Variants in LYST observed in about 807,000 individuals in gnomAD.
LYST encodes the protein lysosomal-trafficking regulator.
Under a neutral mutation model 413.6 loss-of-function variants are expected in LYST, and 192 were observed. The ratio of observed to expected loss-of-function variants is 0.46; its 90% CI spans 0.41 to 0.52. The LOEUF (loss-of-function observed/expected upper bound fraction) is 0.52. LYST is among the 20% of genes least tolerant of loss of function. LYST has a pLI of 0.00. For missense variants in LYST, 3,815 were observed against 4,499.9 expected (o/e 0.85, Z 4.35); for synonymous variants, 1,525 against 1,567.3 (o/e 0.97, Z 0.64).
In LYST at chr1:235,733,502, C is replaced by T; in HGVS notation, c.8801+1G>A. The T allele has an allele frequency of 1.2e-6, 2 of 1,613,602 alleles. No individual in the cohort carries two copies. Among genetic ancestry groups the T allele is most frequent in the Non-Finnish European group, 1.7e-6 (2 of 1,179,612 alleles). ...ATTTTAACTGACCTCCCGCAGCTTACCTATCATGTGTCAGCTGCTGAATAA... is the reference window on the plus strand; with the variant it reads ...ATTTTAACTGACCTCCCGCAGCTTATCTATCATGTGTCAGCTGCTGAATAA... On this transcript the variant is annotated splice_donor_variant, in intron 34 of 52. Coordinates refer to ENST00000389793, the MANE Select transcript of LYST (RefSeq NM_000081.4). LOFTEE classifies it high-confidence loss of function.
chr1:235,746,179 G>T (rs1665906018), intron 29 of LYST, among the ~76,000 whole-genome samples, 157 bp downstream of exon 29: 1 of 152,124 alleles, frequency 6.6e-6, no homozygotes, highest in African/African-American at 2.4e-5. Context: ...TTTTATTCAA[G>T]ACTTATCAGT....
At chr1:235,829,611 A>G (rs970890732) in intron 3 of LYST, 3 of 152,208 alleles carry the variant, frequency 2.0e-5, no homozygotes, top group Admixed American at 6.5e-5. Context: ...GTGAGTACTT[A>G]ATGTTTCTGG....
intron 31 of LYST, chr1:235,735,543 A>G (rs892535230): frequency 2.0e-5 from 3 of 152,074 alleles, no homozygotes; most frequent in African/African-American, 7.2e-5. Context: ...TAGATATTAC[A>G]CCTGATTCTA....
chr1:235,816,224 A>T (rs1674062487), intron 3 of LYST, among the ~76,000 whole-genome samples: 1 of 150,282 alleles, frequency 6.7e-6, no homozygotes, highest in East Asian at 1.9e-4. Context: ...GGTAGATCAC[A>T]AGGTCAGGCG....
chr1:235,803,764 T>C (rs1250850994), intron 7 of LYST, among the ~76,000 whole-genome samples: 2 of 152,172 alleles, frequency 1.3e-5, no homozygotes, highest in Non-Finnish European at 2.9e-5. Context: ...TTCAGTAATA[T>C]GATGAACGTA....
Position 235,738,152 on chromosome 1 carries a change from T to C in LYST, c.8358+3270A>G. Reference sequence around the variant, plus strand: ...ACTTGGCAGGCGAACTTGCTCTTGTTGATGTCATGGAAGACAAATTGAAGG... The same window carrying C: ...ACTTGGCAGGCGAACTTGCTCTTGTCGATGTCATGGAAGACAAATTGAAGG... On this transcript the variant is annotated intron_variant, in intron 31 of 52. Coordinates refer to ENST00000389793, the MANE Select transcript of LYST (RefSeq NM_000081.4). The C allele has an allele frequency of 3.7e-6, 6 of 1,609,452 alleles. No individual in the cohort carries two copies. In the South Asian group the frequency reaches 6.6e-5, roughly 18 times the overall value.
At chr1:235,737,930 T>TCGGGG in intron 31 of LYST, 1 of 1,180,540 alleles carries the variant, frequency 8.5e-7, no homozygotes, top group Non-Finnish European at 1.1e-6. Flanking sequence ...TGGATCTCAC[T>TCGGGG]GCCGCGTGCC....
exon 1 of LYST, chr1:235,883,259 G>C (rs528264091): frequency 6.6e-6 from 1 of 152,486 alleles, no homozygotes; most frequent in East Asian, 1.9e-4. Context: ...CGTCTTCCCA[G>C]GTAGCTGCAA....
Position 235,720,877 on chromosome 1 carries a change from AGTATATT to A in LYST, c.9337_9343del (p.Asn3113SerfsTer17). On this transcript the variant is annotated frameshift_variant, in exon 40 of 53. Transcript: ENST00000389793. LOFTEE classifies it high-confidence loss of function. ...CAGAAGATTAGGGAGGTTATTTGTG[AGTATATT>A]GTGGTATACATCATCACGAACCTAA... 1 of 1,613,724 alleles carries A rather than the reference AGTATATT, an allele frequency of 6.2e-7. No individual in the cohort carries two copies. The highest frequency in any genetic ancestry group is 8.5e-7 in the Non-Finnish European group (1 of 1,179,648).
chr1:235,780,176 C>T (rs565210235), intron 16 of LYST, among the ~76,000 whole-genome samples: 3 of 152,018 alleles, frequency 2.0e-5, no homozygotes, highest in African/African-American at 4.8e-5. Context: ...GAGGCTGAGA[C>T]GGGAAGATCG....
At chr1:235,847,357 T>C (rs1677999567) in intron 1 of LYST, among the ~76,000 whole-genome samples, 2 of 152,092 alleles carry the variant, frequency 1.3e-5, no homozygotes, top group Non-Finnish European at 2.9e-5. Flanking sequence ...AAGCCACCAC[T>C]AGAAGAACTG....
chr1:235,837,911 CAT>C (rs1479218317), intron 1 of LYST, among the ~76,000 whole-genome samples: 1 of 151,506 alleles, frequency 6.6e-6, no homozygotes, highest in Non-Finnish European at 1.5e-5. Context: ...TAAGCTGAAA[CAT>C]AGTATGTTTC....
chr1:235,798,168 G>C (rs1208353051), intron 10 of LYST, among the ~76,000 whole-genome samples: 3 of 152,090 alleles, frequency 2.0e-5, no homozygotes, highest in Admixed American at 2.0e-4. Flanking sequence ...AGGAAAGTCT[G>C]AGAAACTGTT....
intron 3 of LYST, chr1:235,827,620 G>A (rs1308419400): frequency 2.0e-6 from 2 of 984,268 alleles, no homozygotes; most frequent in African/African-American, 1.8e-5. Context: ...AGAACTAAAT[G>A]TTGATAAAGG....
intron 1 of LYST, among the ~76,000 whole-genome samples, chr1:235,876,329 T>A (rs1681137058): frequency 6.6e-6 from 1 of 152,200 alleles, no homozygotes; most frequent in Non-Finnish European, 1.5e-5. Flanking sequence ...CTCCCTCTCC[T>A]GCTTCCCACA....
At position 235,730,831 on chromosome 1, in the gene LYST, A is replaced by T; in HGVS notation, c.9044+16T>A. On this transcript the variant is annotated intron_variant, in intron 36 of 52. Coordinates refer to ENST00000389793, the MANE Select transcript of LYST (RefSeq NM_000081.4). ...TATATTCATGAAAGAGTGAAGGTCT[A>T]TTGATTCAAAGTTACCTTATAGATT... The T allele has an allele frequency of 6.9e-7, 1 of 1,440,088 alleles. No individual in the cohort carries two copies. The highest frequency in any genetic ancestry group is 9.8e-7 in the Non-Finnish European group (1 of 1,021,456). 89.2% of individuals were successfully genotyped at this position (1,440,088 alleles called of 1,614,324 possible).
intron 45 of LYST, among the ~76,000 whole-genome samples, chr1:235,701,382 C>A (rs1461606607): frequency 2.0e-5 from 3 of 152,154 alleles, no homozygotes; most frequent in Non-Finnish European, 2.9e-5. Context: ...GTAATCCCAG[C>A]ACTTTGGGAG....
intron 2 of LYST, among the ~76,000 whole-genome samples, chr1:235,830,860 A>C (rs774057604): frequency 6.6e-6 from 1 of 152,146 alleles, no homozygotes; most frequent in Non-Finnish European, 1.5e-5. Flanking sequence ...CTCCCCAAAC[A>C]CCAAAGTTCA....
chr1:235,834,426 T>A (rs1676324176), intron 1 of LYST, among the ~76,000 whole-genome samples: 1 of 152,104 alleles, frequency 6.6e-6, no homozygotes, highest in Non-Finnish European at 1.5e-5. Flanking sequence ...AAAAATGAGA[T>A]GGGGTCTTGC....
Sources: gnomAD v4.1 joint callset for allele counts (sites outside exome capture counted in the v4.1 genomes callset) on GRCh38, gnomAD v4.1.1 for gene constraint, MANE v1.5 for transcripts, NCBI Gene and HGNC (gene_info 2026-07-23, HGNC 2026-07-21) for gene names.